Variants in MAD1L1 observed in about 807,000 individuals in gnomAD.
The protein encoded by MAD1L1 is mitotic spindle assembly checkpoint protein MAD1.
A neutral mutation model predicts 96.9 loss-of-function variants in MAD1L1; 95 were observed. That is an observed-to-expected ratio of 0.98 (90% CI 0.83 to 1.16). The LOEUF is 1.16. Among genes scored for constraint, MAD1L1 ranks in the 50% most tolerant of loss-of-function variants. The pLI is 0.00. For missense variants in MAD1L1, 1,007 were observed against 954.4 expected (o/e 1.06, Z -0.73); for synonymous variants, 473 against 396.6 (o/e 1.19, Z -2.29).
chr7:2,077,073 G>C (rs1014366322), intron 11 of MAD1L1, among the ~76,000 whole-genome samples: 1 of 149,650 alleles, frequency 6.7e-6, no homozygotes, highest in African/African-American at 2.5e-5. Context: ...GTGAGCCCAA[G>C]ACAGAGTTAC....
chr7:2,076,377 G>A (rs1785374973), intron 11 of MAD1L1, among the ~76,000 whole-genome samples: 1 of 152,212 alleles, frequency 6.6e-6, no homozygotes, highest in African/African-American at 2.4e-5. Context: ...CTCTCCCTCT[G>A]CCCTGTGAGG....
intron 18 of MAD1L1, among the ~76,000 whole-genome samples, chr7:1,894,463 G>A (rs1025849884): frequency 1.3e-5 from 2 of 152,186 alleles, no homozygotes; most frequent in South Asian, 2.1e-4. Context: ...AGGGATCCCG[G>A]TGCAACATGA....
intron 11 of MAD1L1, among the ~76,000 whole-genome samples, chr7:2,112,466 A>G (rs2128556561): frequency 6.6e-6 from 1 of 152,376 alleles, no homozygotes; most frequent in Middle Eastern, 3.4e-3. Context: ...TAGGCCAAGG[A>G]CAGAACGGCC....
chr7:1,828,321 C>T (rs527401504), intron 18 of MAD1L1, among the ~76,000 whole-genome samples: 3 of 152,092 alleles, frequency 2.0e-5, no homozygotes, highest in East Asian at 1.9e-4. Flanking sequence ...TCGCGGGACC[C>T]GAGTTGAGGG....
chr7:1,928,919 T>TGGGGCC (rs1789260724), intron 17 of MAD1L1, among the ~76,000 whole-genome samples: 1 of 152,092 alleles, frequency 6.6e-6, no homozygotes, highest in African/African-American at 2.4e-5. Flanking sequence ...AGGCCACCTG[T>TGGGGCC]GGGGCCAGCG....
intron 1 of MAD1L1, among the ~76,000 whole-genome samples, chr7:2,231,468 G>A (rs573537427): frequency 2.6e-5 from 4 of 152,194 alleles, no homozygotes; most frequent in Admixed American, 1.3e-4. Context: ...AAAGCCAGAT[G>A]TGGTGGCGTG....
rs117278431 is a variant in MAD1L1 at position 2,053,876 on chromosome 7, G to A, written c.1218+15318C>T. ...CTTCCACAGTGCTCCAGGGGCACCC[G>A]ATTCTAGCCACCCTCAACACGGAGA... is the stretch of plus-strand genomic sequence containing the variant. On this transcript the variant is annotated intron_variant, in intron 12 of 18. Transcript: ENST00000265854. 1.4e-4 allele frequency among the ~76,000 whole-genome samples: 21 copies of A among 152,368 alleles called. No homozygotes were observed. In the East Asian group the frequency reaches 3.5e-3, roughly 25 times the overall value.
intron 10 of MAD1L1, among the ~76,000 whole-genome samples, chr7:2,180,159 T>C (rs1246032043): frequency 6.6e-6 from 1 of 152,120 alleles, no homozygotes; most frequent in Non-Finnish European, 1.5e-5. Flanking sequence ...AGAAATGAGC[T>C]GTCCATGGGG....
chr7:1,996,872 G>GTAATC (rs1562593346), intron 14 of MAD1L1, among the ~76,000 whole-genome samples: 2 of 94,570 alleles, frequency 2.1e-5, no homozygotes, highest in African/African-American at 3.1e-5. Flanking sequence ...TTTTAGAGCT[G>GTAATC]AGAGCGGCGT....
At chr7:2,015,525 A>C (rs1381217895) in intron 12 of MAD1L1, among the ~76,000 whole-genome samples, 2 of 152,226 alleles carry the variant, frequency 1.3e-5, no homozygotes, top group Non-Finnish European at 2.9e-5. Context: ...TGAGCTGCCA[A>C]GATGGCCCCC....
Position 2,088,749 on chromosome 7 carries a change from C to T in MAD1L1, c.1074-19411G>A, listed in dbSNP as rs1190546653. The T allele has an allele frequency of 6.6e-6, 1 of 152,452 alleles. No individual in the cohort carries two copies. Among genetic ancestry groups the T allele is most frequent in the East Asian group, 1.9e-4 (1 of 5,202 alleles). 9.4% of individuals were successfully genotyped at this position (152,452 alleles called of 1,614,324 possible). A position where few individuals can be genotyped will look rare whatever the true frequency, so the allele number is the denominator to read the frequency against. On this transcript the variant is annotated intron_variant, in intron 11 of 18. Coordinates refer to ENST00000265854, the MANE Select transcript of MAD1L1 (RefSeq NM_001013836.2). The surrounding 1 kb of genome is among the most constrained non-coding windows in gnomAD (Gnocchi z 4.4). ...CTCTCAAGTACAACCTAGACGCCCT[C>T]AACTCCATTTCCTGGGTGCCCCAAA...
At chr7:1,818,547 T>A (rs1464987692) in intron 18 of MAD1L1, among the ~76,000 whole-genome samples, 2 of 151,950 alleles carry the variant, frequency 1.3e-5, no homozygotes, top group African/African-American at 4.8e-5. Context: ...CCTGGCTAAT[T>A]TTTAAATTTT....
At chr7:1,821,567 G>A (rs1217868346) in intron 18 of MAD1L1, among the ~76,000 whole-genome samples, 4 of 152,082 alleles carry the variant, frequency 2.6e-5, no homozygotes, top group South Asian at 2.1e-4. Flanking sequence ...AGCAACACAC[G>A]AAAAAGAGTA....
intron 17 of MAD1L1, among the ~76,000 whole-genome samples, chr7:1,920,599 G>A (rs546005584): frequency 3.9e-5 from 6 of 152,312 alleles, no homozygotes; most frequent in African/African-American, 1.4e-4. Flanking sequence ...GGGTACAGAC[G>A]CACAGCCAGA....
chr7:1,864,876 G>A (rs1051628674), intron 18 of MAD1L1, among the ~76,000 whole-genome samples: 2 of 152,200 alleles, frequency 1.3e-5, no homozygotes, highest in Non-Finnish European at 2.9e-5. Context: ...GATGCGGCCT[G>A]AGGACCTTGC....
intron 18 of MAD1L1, among the ~76,000 whole-genome samples, chr7:1,862,414 A>C (rs1403953552): frequency 6.6e-6 from 1 of 152,222 alleles, no homozygotes; most frequent in African/African-American, 2.4e-5. Flanking sequence ...CTGTGCATGA[A>C]GTCTGGTGGG....
chr7:2,021,603 G>C (rs924611581), intron 12 of MAD1L1, among the ~76,000 whole-genome samples: 3 of 141,688 alleles, frequency 2.1e-5, no homozygotes, highest in Non-Finnish European at 4.4e-5. Context: ...CGTCTCTACT[G>C]AAAGTAGAAA....
chr7:2,077,167 A>G (rs1337162528), intron 11 of MAD1L1, among the ~76,000 whole-genome samples: 1 of 152,174 alleles, frequency 6.6e-6, no homozygotes. Flanking sequence ...CAGTGGCCTC[A>G]AGGGTTAAGA....
At chr7:2,049,039 G>A (rs1209477169) in intron 12 of MAD1L1, among the ~76,000 whole-genome samples, 1 of 152,236 alleles carries the variant, frequency 6.6e-6, no homozygotes, top group East Asian at 1.9e-4. Context: ...TGAGTGAGTT[G>A]ATGATGAACT....
Sources: gnomAD v4.1 joint callset for allele counts (sites outside exome capture counted in the v4.1 genomes callset) on GRCh38, gnomAD v4.1.1 for gene constraint, Gnocchi (gnomAD v3.1) non-coding constraint, MANE v1.5 for transcripts, NCBI Gene and HGNC (gene_info 2026-07-23, HGNC 2026-07-21) for gene names.